ATG7: variants seen among roughly 807,000 people sequenced by gnomAD.
ATG7 encodes the protein ubiquitin-like modifier-activating enzyme ATG7.
In ATG7, 70 loss-of-function variants were observed where a neutral mutation model predicts 82.4. The ratio of observed to expected loss-of-function variants is 0.85; its 90% CI spans 0.70 to 1.04. The LOEUF (loss-of-function observed/expected upper bound fraction) is 1.04. Among genes scored for constraint, ATG7 ranks in the 50% least tolerant of loss-of-function variants. The pLI is 0.00. For synonymous variants in ATG7, 287 were observed against 313.0 expected (o/e 0.92, Z 0.88); for missense variants, 792 against 864.3 (o/e 0.92, Z 1.05).
At chr3:11,563,409 G>A in the ATG7 span, among the ~76,000 whole-genome samples, 2 of 152,238 alleles carry the variant, frequency 1.3e-5, no homozygotes, top group Non-Finnish European at 2.9e-5. Flanking sequence ...CAGTGAGCGG[G>A]TCCCTGTGGG....
intron 15 of ATG7, among the ~76,000 whole-genome samples, chr3:11,358,944 A>G (rs1023615474): frequency 1.3e-5 from 2 of 152,236 alleles, no homozygotes; most frequent in African/African-American, 2.4e-5. Flanking sequence ...AAGGGGCAAC[A>G]ATGTTGAATA....
At chr3:11,372,487 T>C (rs1254505265) in intron 18 of ATG7, among the ~76,000 whole-genome samples, 1 of 150,778 alleles carries the variant, frequency 6.6e-6, no homozygotes, top group Non-Finnish European at 1.5e-5. Context: ...TGATATATAG[T>C]AAAATGAACC....
chr3:11,428,687 G>A (rs1453526808), intron 20 of ATG7, among the ~76,000 whole-genome samples: 1 of 152,218 alleles, frequency 6.6e-6, no homozygotes, highest in East Asian at 1.9e-4. Flanking sequence ...TATCTTTTAA[G>A]CAATGCTGTA....
At chr3:11,495,470 T>C (rs2090750914) in intron 20 of ATG7, among the ~76,000 whole-genome samples, 1 of 152,072 alleles carries the variant, frequency 6.6e-6, no homozygotes, top group African/African-American at 2.4e-5. Flanking sequence ...CCAGACATCT[T>C]GATAATGCCA....
chr3:11,392,298 A>G (rs2078877819), intron 19 of ATG7, among the ~76,000 whole-genome samples: 1 of 152,108 alleles, frequency 6.6e-6, no homozygotes, highest in Non-Finnish European at 1.5e-5. Context: ...TGCAGCTGCT[A>G]AGAATCCAAG....
chr3:11,438,960 C>T (rs1185926897), intron 20 of ATG7, among the ~76,000 whole-genome samples: 1 of 152,096 alleles, frequency 6.6e-6, no homozygotes, highest in African/African-American at 2.4e-5. Flanking sequence ...GCAAACATAA[C>T]AGCTGCTATG....
At chr3:11,477,540 C>T (rs988681449) in intron 20 of ATG7, among the ~76,000 whole-genome samples, 4 of 152,152 alleles carry the variant, frequency 2.6e-5, no homozygotes, top group Non-Finnish European at 4.4e-5. Context: ...AAGATAAGGG[C>T]GTTTGTTAGA....
intron 17 of ATG7, among the ~76,000 whole-genome samples, chr3:11,363,590 A>G (rs1441775910): frequency 2.6e-5 from 4 of 152,152 alleles, no homozygotes; most frequent in Non-Finnish European, 5.9e-5. Flanking sequence ...GGAAAGAACT[A>G]TTATTATTAG....
chr3:11,375,439 C>G (rs2152838236), intron 18 of ATG7, among the ~76,000 whole-genome samples: 1 of 152,346 alleles, frequency 6.6e-6, no homozygotes, highest in African/African-American at 2.4e-5. Context: ...AAATGCAAGT[C>G]ACAACCATAG....
intron 18 of ATG7, among the ~76,000 whole-genome samples, chr3:11,368,650 G>GTTTAAAT (rs1553631590): frequency 1.3e-5 from 2 of 151,124 alleles, no homozygotes; most frequent in African/African-American, 4.9e-5. Context: ...CAGGTGTGGT[G>GTTTAAAT]GCACGCACCT....
At chr3:11,570,112 G>A in the ATG7 span, among the ~76,000 whole-genome samples, 1 of 152,082 alleles carries the variant, frequency 6.6e-6, no homozygotes, top group Non-Finnish European at 1.5e-5. Flanking sequence ...GGGCAGGTCA[G>A]CACCATCCCA....
Position 11,542,378 on chromosome 3 carries a change from G to T in ATG7, c.2080-12433G>T, listed in dbSNP as rs148719960. 4.7e-3 allele frequency among the ~76,000 whole-genome samples: 719 copies of T among 152,340 alleles called. 4 individuals are homozygous for T. The highest frequency in any genetic ancestry group is 0.016 in the African/African-American group (678 of 41,580). ...AGGGGGAGACCTAGAGCAGCCTGTC[G>T]CTGTGGGCTGGGAATTCCAGAGTCT... On this transcript the variant is annotated intron_variant, in intron 20 of 20. Transcript: ENST00000693202.
intron 18 of ATG7, among the ~76,000 whole-genome samples, chr3:11,374,978 G>A (rs1370207129): frequency 6.6e-6 from 1 of 150,942 alleles, no homozygotes; most frequent in Non-Finnish European, 1.5e-5. Context: ...CAAGGTGGGA[G>A]GATCGCTTGA....
chr3:11,383,628 T>C (rs1307817788), intron 19 of ATG7, among the ~76,000 whole-genome samples: 2 of 152,182 alleles, frequency 1.3e-5, no homozygotes, highest in African/African-American at 4.8e-5. Flanking sequence ...TTTTGTATTT[T>C]TAGTAGAGAC....
intron 11 of ATG7, 38 bp from the exon 12 acceptor site, chr3:11,340,606 TC>T (rs1287347527): frequency 1.9e-6 from 3 of 1,564,390 alleles, no homozygotes; most frequent in Admixed American, 1.7e-5. Context: ...TTTTTATTCT[TC>T]CCTCCTTCAT....
At chr3:11,491,226 C>G in intron 20 of ATG7, among the ~76,000 whole-genome samples, 1 of 152,170 alleles carries the variant, frequency 6.6e-6, no homozygotes, top group East Asian at 1.9e-4. Flanking sequence ...TTCATTTCAT[C>G]TTCCATCACT....
At chr3:11,521,595 C>G (rs1310608527) in intron 20 of ATG7, among the ~76,000 whole-genome samples, 1 of 151,138 alleles carries the variant, frequency 6.6e-6, no homozygotes, top group African/African-American at 2.4e-5. Context: ...CTCTGTCACC[C>G]AGGCTGGAGC....
At chr3:11,427,669 G>A (rs766638996) in intron 20 of ATG7, among the ~76,000 whole-genome samples, 9 of 152,030 alleles carry the variant, frequency 5.9e-5, no homozygotes, top group Non-Finnish European at 8.8e-5. Context: ...AAAAAAATTA[G>A]GTGGGCATGG....
chr3:11,500,005 C>A (rs1157495714), intron 20 of ATG7, among the ~76,000 whole-genome samples: 2 of 152,156 alleles, frequency 1.3e-5, no homozygotes, highest in Non-Finnish European at 2.9e-5. Context: ...CAGGAGTGTT[C>A]TGAGTTCCCT....
Sources: gnomAD v4.1 joint callset for allele counts (sites outside exome capture counted in the v4.1 genomes callset) on GRCh38, gnomAD v4.1.1 for gene constraint, MANE v1.5 for transcripts, NCBI Gene and HGNC (gene_info 2026-07-23, HGNC 2026-07-21) for gene names.